Variants in PLXDC2 observed in about 807,000 individuals in gnomAD.
PLXDC2 encodes plexin domain containing 2.
Under a neutral mutation model 68.9 loss-of-function variants are expected in PLXDC2, and 40 were observed. That is an observed-to-expected ratio of 0.58 (90% CI 0.45 to 0.76). The LOEUF is 0.76. Among genes scored for constraint, PLXDC2 ranks in the 30% least tolerant of loss-of-function variants. The pLI, the probability that PLXDC2 is intolerant of heterozygous loss-of-function variation, is 0.00. For synonymous variants in PLXDC2, 243 were observed against 234.2 expected (o/e 1.04, Z -0.34); for missense variants, 644 against 661.9 (o/e 0.97, Z 0.30).
At chr10:19,830,676 G>T (rs1288000134) in intron 1 of PLXDC2, among the ~76,000 whole-genome samples, 1 of 127,770 alleles carries the variant, frequency 7.8e-6, no homozygotes, top group African/African-American at 3.1e-5. Flanking sequence ...CATGCAGAGT[G>T]TATCTTCACC....
chr10:20,128,711 G>A (rs925005937), intron 4 of PLXDC2, among the ~76,000 whole-genome samples: 10 of 152,062 alleles, frequency 6.6e-5, no homozygotes, highest in Non-Finnish European at 5.9e-5. Flanking sequence ...GATTCTATGA[G>A]TCTAACTTTT....
rs964392184 is a variant in PLXDC2 at position 20,121,859 on chromosome 10, G to A, written c.542-21436G>A. Among the ~76,000 whole-genome samples the A allele has an allele frequency of 2.0e-5, 3 of 152,248 alleles. 1 individual carries two copies. Among genetic ancestry groups the A allele is most frequent in the South Asian group, 4.1e-4 (2 of 4,826 alleles). ...TTTAAAAGGCCATGCTGTAGCAGGC[G>A]AGTGATAACAGGCTTTAATCCTTTC... On this transcript the variant is annotated intron_variant, in intron 4 of 13. Coordinates refer to ENST00000377252, the MANE Select transcript of PLXDC2 (RefSeq NM_032812.9).
intron 2 of PLXDC2, among the ~76,000 whole-genome samples, chr10:20,023,466 A>G (rs1835348186): frequency 6.6e-6 from 1 of 152,160 alleles, no homozygotes; most frequent in Non-Finnish European, 1.5e-5. Flanking sequence ...TAGGCCATGA[A>G]GGTTCTGCCT....
At chr10:19,970,220 A>G (rs1834327108) in intron 1 of PLXDC2, among the ~76,000 whole-genome samples, 1 of 152,222 alleles carries the variant, frequency 6.6e-6, no homozygotes, top group Admixed American at 6.5e-5. Flanking sequence ...GTATTTTATT[A>G]GTTTATTCCG....
chr10:19,950,059 A>G (rs1432304786), intron 1 of PLXDC2, among the ~76,000 whole-genome samples: 1 of 152,164 alleles, frequency 6.6e-6, no homozygotes, highest in Non-Finnish European at 1.5e-5. Flanking sequence ...ACCTAATATC[A>G]TACTGAATGG....
intron 1 of PLXDC2, among the ~76,000 whole-genome samples, chr10:19,838,440 C>T (rs2131315654): frequency 6.6e-6 from 1 of 152,198 alleles, no homozygotes; most frequent in East Asian, 1.9e-4. Context: ...ATAATAAATA[C>T]AACATTGGAA....
rs115371735 is a variant in PLXDC2 at position 20,232,883 on chromosome 10, G to A, written c.1313-12462G>A. 4.6e-3 allele frequency among the ~76,000 whole-genome samples: 705 copies of A among 151,978 alleles called. 9 individuals carry two copies. Among genetic ancestry groups the A allele is most frequent in the African/African-American group, 0.014 (576 of 41,450 alleles). On this transcript the variant is annotated intron_variant, in intron 12 of 13. Transcript: ENST00000377252. ...TCCTGCATTTCAAATATGCAAATTT[G>A]GCCTCTGTAAAAGTAAAAAAAGAAG...
intron 1 of PLXDC2, among the ~76,000 whole-genome samples, chr10:19,846,043 G>C (rs1482424182): frequency 6.6e-6 from 1 of 152,100 alleles, no homozygotes; most frequent in Non-Finnish European, 1.5e-5. Context: ...AATTCCTTCA[G>C]GTCAATCCTC....
intron 4 of PLXDC2, among the ~76,000 whole-genome samples, chr10:20,073,604 TATC>T (rs1210949759): frequency 3.3e-5 from 5 of 152,188 alleles, no homozygotes; most frequent in Admixed American, 2.6e-4. Flanking sequence ...GAATTGGAAA[TATC>T]ATCTTTATTT....
chr10:20,012,654 G>T (rs1345071608), intron 2 of PLXDC2, among the ~76,000 whole-genome samples: 1 of 151,930 alleles, frequency 6.6e-6, no homozygotes, highest in African/African-American at 2.4e-5. Flanking sequence ...AAAAATATTT[G>T]CATGTCTTAT....
chr10:19,858,057 C>CA (rs1837247491), intron 1 of PLXDC2, among the ~76,000 whole-genome samples: 1 of 152,080 alleles, frequency 6.6e-6, no homozygotes, highest in Non-Finnish European at 1.5e-5. Flanking sequence ...TGTTTGGGAG[C>CA]AACATGCAGC....
intron 2 of PLXDC2, among the ~76,000 whole-genome samples, chr10:20,004,903 A>G (rs1012881109): frequency 6.6e-6 from 1 of 152,090 alleles, no homozygotes; most frequent in Non-Finnish European, 1.5e-5. Context: ...GGCCCAGGGG[A>G]CTGTTTGGTG....
chr10:19,918,759 A>G (rs2131379156), intron 1 of PLXDC2, among the ~76,000 whole-genome samples: 1 of 152,298 alleles, frequency 6.6e-6, no homozygotes, highest in East Asian at 1.9e-4. Context: ...ATTATGGAAG[A>G]TTTTCTTACC....
intron 1 of PLXDC2, among the ~76,000 whole-genome samples, chr10:19,917,502 T>G (rs149610137): frequency 6.6e-6 from 1 of 152,354 alleles, no homozygotes; most frequent in East Asian, 1.9e-4. Context: ...TTCTCATAAA[T>G]GGTTTTGAAA....
intron 2 of PLXDC2, chr10:20,043,400 A>G (rs909254485): frequency 6.6e-6 from 1 of 152,192 alleles, no homozygotes; most frequent in African/African-American, 2.4e-5. Context: ...ATTAGACTAA[A>G]TCGTGTATAT....
At chr10:20,035,469 G>A (rs1457059833) in intron 2 of PLXDC2, among the ~76,000 whole-genome samples, 1 of 152,114 alleles carries the variant, frequency 6.6e-6, no homozygotes, top group Non-Finnish European at 1.5e-5. Context: ...GGTCGAGGAG[G>A]GTGGATCACT....
chr10:19,844,771 T>G (rs1017303025), intron 1 of PLXDC2, among the ~76,000 whole-genome samples: 41 of 152,058 alleles, frequency 2.7e-4, no homozygotes, highest in Non-Finnish European at 5.7e-4. Flanking sequence ...AATATTTTCA[T>G]TTTTTTAACT....
rs755227147 is a variant in PLXDC2 at position 20,001,706 on chromosome 10, G to A, written c.113-69G>A. The A allele has an allele frequency of 7.9e-5, 112 of 1,413,148 alleles. 1 individual carries two copies. The Middle Eastern group carries it at 9.8e-3, about 124-fold the overall frequency. The allele number at this position is 1,413,148 out of a possible 1,614,324, so 87.5% of individuals were successfully genotyped here. A position where few individuals can be genotyped will look rare whatever the true frequency, so the allele number is the denominator to read the frequency against. On this transcript the variant is annotated intron_variant, in intron 1 of 13. Coordinates refer to ENST00000377252, the MANE Select transcript of PLXDC2 (RefSeq NM_032812.9). The stretch of plus-strand genomic sequence containing the variant: ...CCTCACAGAATTCTTTTTTCTTCTC[G>A]AGCCGATAGCACTTGCATGTATGGT...
chr10:20,075,395 G>T (rs1836421680), intron 4 of PLXDC2, among the ~76,000 whole-genome samples: 1 of 152,004 alleles, frequency 6.6e-6, no homozygotes, highest in Admixed American at 6.6e-5. Context: ...TCATTATGTT[G>T]TCCAGGCTGA....
Sources: allele counts gnomAD v4.1 joint callset (sites outside exome capture counted in the v4.1 genomes callset), GRCh38; gene constraint gnomAD v4.1.1; transcripts MANE v1.5; gene names NCBI Gene and HGNC (gene_info 2026-07-23, HGNC 2026-07-21).